CDK14: variants seen among roughly 807,000 people sequenced by gnomAD.
CDK14 encodes cyclin-dependent kinase 14.
Under a neutral mutation model 60.7 loss-of-function variants are expected in CDK14, and 34 were observed. The ratio of observed to expected loss-of-function variants is 0.56; its 90% CI spans 0.43 to 0.75. The LOEUF is 0.75. Ranked by LOEUF, CDK14 falls within the 30% of genes least tolerant of loss-of-function variation. The pLI is 0.00. For missense variants in CDK14, 482 were observed against 564.1 expected (o/e 0.85, Z 1.47); for synonymous variants, 197 against 203.7 (o/e 0.97, Z 0.28).
chr7:91,090,614 A>G (rs1798774394), intron 12 of CDK14, among the ~76,000 whole-genome samples: 1 of 152,184 alleles, frequency 6.6e-6, no homozygotes, highest in Non-Finnish European at 1.5e-5. Flanking sequence ...TAGGATTTTC[A>G]GCTAAAAACC....
intron 14 of CDK14, among the ~76,000 whole-genome samples, chr7:91,119,231 A>G (rs781027638): frequency 6.6e-6 from 1 of 152,180 alleles, no homozygotes; most frequent in East Asian, 1.9e-4. Flanking sequence ...CTGTAATCCC[A>G]GCACTTTGGG....
chr7:90,661,445 A>G (rs547508904), intron 2 of CDK14, among the ~76,000 whole-genome samples: 1 of 152,298 alleles, frequency 6.6e-6, no homozygotes, highest in East Asian at 1.9e-4. Context: ...AGTTATGTTC[A>G]TAGAACCTGT....
chr7:90,644,561 A>ACT (rs1371433038), intron 2 of CDK14, among the ~76,000 whole-genome samples: 1 of 152,234 alleles, frequency 6.6e-6, no homozygotes, highest in East Asian at 1.9e-4. Context: ...AGTAGACTAC[A>ACT]AACTCCTGCA....
intron 11 of CDK14, among the ~76,000 whole-genome samples, chr7:91,075,368 C>G (rs1798269348): frequency 6.6e-6 from 1 of 152,026 alleles, no homozygotes; most frequent in South Asian, 2.1e-4. Context: ...TGAAAAAAAC[C>G]ACATGATTAA....
intron 2 of CDK14, among the ~76,000 whole-genome samples, chr7:90,644,757 A>C (rs900933002): frequency 1.3e-5 from 2 of 152,212 alleles, no homozygotes; most frequent in Non-Finnish European, 1.5e-5. Context: ...TGCAGCCCAG[A>C]GTGGTCATTA....
intron 2 of CDK14, among the ~76,000 whole-genome samples, chr7:90,668,121 C>A (rs1326884436): frequency 6.6e-6 from 1 of 152,174 alleles, no homozygotes; most frequent in Non-Finnish European, 1.5e-5. Context: ...GTGATTGCAA[C>A]ATGTTATATT....
At chr7:91,039,204 G>A (rs7803107) in intron 10 of CDK14, among the ~76,000 whole-genome samples, 3,833 of 152,016 alleles carry the variant, frequency 0.025, 139 homozygotes, top group African/African-American at 0.086. Flanking sequence ...CCCCCACCGC[G>A]CTCATTACAC....
chr7:90,710,680 A>G lies in CDK14; in HGVS notation c.124-15887A>G, dbSNP rs534506794. 373 of 382,548 alleles carry G rather than the reference A, an allele frequency of 9.8e-4. 2 individuals carry two copies. Among genetic ancestry groups the G allele is most frequent in the Non-Finnish European group, 1.2e-3 (346 of 279,048 alleles). 23.7% of individuals were successfully genotyped at this position (382,548 alleles called of 1,614,324 possible). On this transcript the variant is annotated intron_variant, in intron 2 of 14. Coordinates refer to ENST00000380050, the MANE Select transcript of CDK14 (RefSeq NM_001287135.2). ...CCAGCTCTAATAGTAGACTATTAGCATTTTGGATGCTAATGGAGAACCCCT... is the reference window on the plus strand; with the variant it reads ...CCAGCTCTAATAGTAGACTATTAGCGTTTTGGATGCTAATGGAGAACCCCT...
At chr7:91,071,046 T>C (rs918060520) in intron 11 of CDK14, among the ~76,000 whole-genome samples, 3 of 152,174 alleles carry the variant, frequency 2.0e-5, no homozygotes, top group African/African-American at 7.2e-5. Flanking sequence ...TAATTGTCTG[T>C]CCTCCTTGAA....
At chr7:91,166,149 T>A (rs942798672) in intron 14 of CDK14, among the ~76,000 whole-genome samples, 1 of 152,200 alleles carries the variant, frequency 6.6e-6, no homozygotes, top group Admixed American at 6.5e-5. Context: ...GTGTAGAAGG[T>A]CTTATGTAGA....
At position 90,726,578 on chromosome 7, in the gene CDK14, A is replaced by G; in HGVS notation, c.135A>G (p.Thr45=). The G allele has an allele frequency of 1.2e-6, 2 of 1,613,410 alleles. No individual in the cohort carries two copies. Among genetic ancestry groups the G allele is most frequent in the South Asian group, 2.2e-5 (2 of 91,052 alleles). Residue 45 remains threonine, a synonymous_variant, in exon 3 of 15, where the codon ACA becomes ACG. Coordinates refer to ENST00000380050, the MANE Select transcript of CDK14 (RefSeq NM_001287135.2). ...TCTTCTTTTCTCAGATATGTGTCAC[A>G]AAGATGTCTACACGGAACTGCCAGG... ...DDTTFDEICV[T]KMSTRNCQGM... is the part of the protein sequence containing the mutation.
At chr7:91,174,332 G>A (rs1801647718) in intron 14 of CDK14, among the ~76,000 whole-genome samples, 1 of 151,474 alleles carries the variant, frequency 6.6e-6, no homozygotes, top group Admixed American at 6.6e-5. Context: ...AAGATCAAAA[G>A]TAGATAAAAC....
At chr7:90,806,964 G>A (rs1028785625) in intron 5 of CDK14, among the ~76,000 whole-genome samples, 1 of 152,350 alleles carries the variant, frequency 6.6e-6, no homozygotes, top group Admixed American at 6.5e-5. Context: ...AAACAAAGTG[G>A]CCAGGAAGCT....
intron 12 of CDK14, among the ~76,000 whole-genome samples, chr7:91,088,592 T>TGG (rs1798708667): frequency 6.6e-6 from 1 of 151,602 alleles, no homozygotes; most frequent in South Asian, 2.1e-4. Flanking sequence ...TGTGTGTGTG[T>TGG]GGTTATTATT....
At chr7:90,615,902 T>C (rs2116355167) in intron 2 of CDK14, among the ~76,000 whole-genome samples, 1 of 152,310 alleles carries the variant, frequency 6.6e-6, no homozygotes, top group African/African-American at 2.4e-5. Context: ...ATTTTGCTGC[T>C]GTAGTTAGGA....
intron 11 of CDK14, among the ~76,000 whole-genome samples, chr7:91,046,964 G>A (rs1235579239): frequency 1.3e-5 from 2 of 152,120 alleles, no homozygotes; most frequent in East Asian, 1.9e-4. Flanking sequence ...AGTGCGCAGT[G>A]TGTTCAGAAT....
chr7:90,777,384 G>A (rs1367153170), intron 4 of CDK14, among the ~76,000 whole-genome samples: 2 of 152,202 alleles, frequency 1.3e-5, no homozygotes, highest in African/African-American at 4.8e-5. Flanking sequence ...GTAAAAAGGC[G>A]ACTTCAGTTT....
At chr7:90,633,692 T>C (rs1380551542) in intron 2 of CDK14, among the ~76,000 whole-genome samples, 1 of 152,220 alleles carries the variant, frequency 6.6e-6, no homozygotes, top group African/African-American at 2.4e-5. Flanking sequence ...ATGACAGTAA[T>C]CATTTAAATA....
chr7:90,711,717 C>T (rs1802066063), intron 2 of CDK14, among the ~76,000 whole-genome samples: 1 of 152,040 alleles, frequency 6.6e-6, no homozygotes, highest in Non-Finnish European at 1.5e-5. Context: ...GTATTTTCCC[C>T]TGGAATACGC....
Sources: gnomAD v4.1 joint callset for allele counts (sites outside exome capture counted in the v4.1 genomes callset) on GRCh38, gnomAD v4.1.1 for gene constraint, MANE v1.5 for transcripts, NCBI Gene and HGNC (gene_info 2026-07-23, HGNC 2026-07-21) for gene names.